Variants in ANXA11 observed in about 807,000 individuals in gnomAD.
The protein encoded by ANXA11 is 56 kDa autoantigen.
A neutral mutation model predicts 64.7 loss-of-function variants in ANXA11; 57 were observed. The observed-to-expected ratio is 0.88, with a 90% confidence interval of 0.71 to 1.10. ANXA11 has a LOEUF of 1.10. Ranked by LOEUF, ANXA11 falls within the 50% of genes least tolerant of loss-of-function variation. ANXA11 has a pLI of 0.00. For synonymous variants in ANXA11, 260 were observed against 265.2 expected, an observed-to-expected ratio of 0.98 and a Z score of 0.19; for missense variants, 675 against 670.7, an observed-to-expected ratio of 1.01 and a Z score of -0.07.
chr10:80,154,913 C>G lies in ANXA11; in HGVS notation c.*940G>C, dbSNP rs1845226267. 6.6e-6 allele frequency: 1 copy of G among 152,326 alleles called. No homozygotes were observed. The highest frequency in any genetic ancestry group is 2.4e-5 in the African/African-American group (1 of 41,454). 9.4% of individuals were successfully genotyped at this position (152,326 alleles called of 1,614,324 possible). A position where few individuals can be genotyped will look rare whatever the true frequency, so the allele number is the denominator to read the frequency against. On this transcript the variant is annotated 3_prime_UTR_variant, in exon 16 of 16. Coordinates refer to ENST00000422982, the MANE Select transcript of ANXA11 (RefSeq NM_145868.2). ...CACTGCACCTGCAACCAACCAAGAT[C>G]CCTTTGCCTTTCAGGTGTCTGGGCC...
chr10:80,201,533 C>T (rs934661006), intron 1 of ANXA11, among the ~76,000 whole-genome samples: 1 of 152,194 alleles, frequency 6.6e-6, no homozygotes, highest in African/African-American at 2.4e-5. Flanking sequence ...CTTCTTCATC[C>T]TCCAAACCTG....
chr10:80,195,358 G>A (rs1202813507), intron 1 of ANXA11, among the ~76,000 whole-genome samples: 3 of 152,214 alleles, frequency 2.0e-5, no homozygotes, highest in African/African-American at 7.2e-5. Context: ...CACTCTGGAG[G>A]AGAAAACACC....
intron 1 of ANXA11, among the ~76,000 whole-genome samples, chr10:80,185,886 C>T (rs543033185): frequency 2.1e-4 from 32 of 152,310 alleles, no homozygotes; most frequent in Non-Finnish European, 4.0e-4. Context: ...TTTAGAAACA[C>T]TGGTATGATG....
At chr10:80,179,970 A>G (rs537229460) in intron 1 of ANXA11, among the ~76,000 whole-genome samples, 1 of 152,294 alleles carries the variant, frequency 6.6e-6, no homozygotes, top group African/African-American at 2.4e-5. Flanking sequence ...GCATGACAGC[A>G]CTGCATCAGA....
chr10:80,196,187 T>A (rs886468696), intron 1 of ANXA11, among the ~76,000 whole-genome samples: 3 of 152,342 alleles, frequency 2.0e-5, no homozygotes, highest in African/African-American at 7.2e-5. Flanking sequence ...GGATAGGTAT[T>A]ATCATCCTCA....
At chr10:80,161,859 C>T in intron 12 of ANXA11, 76 bp downstream of exon 12, 4 of 1,299,078 alleles carry the variant, frequency 3.1e-6, no homozygotes, top group Non-Finnish European at 4.4e-6. Context: ...ACCAAGTGTT[C>T]CCATAGCTTT....
chr10:80,172,889 C>T lies in ANXA11; in HGVS notation c.-8-20G>A. Reference sequence around the variant, plus strand: ...TTAGATCTGGAAGAGAAGACGAAAGCACATTCAGGCTCTGCCTGAGAGCCC... The same window carrying T: ...TTAGATCTGGAAGAGAAGACGAAAGTACATTCAGGCTCTGCCTGAGAGCCC... On this transcript the variant is annotated intron_variant, in intron 2 of 15. Coordinates refer to ENST00000422982, the MANE Select transcript of ANXA11 (RefSeq NM_145868.2). 6.2e-7 allele frequency: 1 copy of T among 1,612,398 alleles called. No individual in the cohort carries two copies. Among genetic ancestry groups the T allele is most frequent in the Non-Finnish European group, 8.5e-7 (1 of 1,178,848 alleles).
intron 11 of ANXA11, among the ~76,000 whole-genome samples, chr10:80,162,679 C>T (rs1191946363): frequency 6.6e-6 from 1 of 152,190 alleles, no homozygotes; most frequent in African/African-American, 2.4e-5. Flanking sequence ...ATTCCAATCC[C>T]GCAGATGGTA....
chr10:80,173,402 C>T (rs998898824), intron 2 of ANXA11, among the ~76,000 whole-genome samples: 8 of 152,276 alleles, frequency 5.3e-5, no homozygotes, highest in Admixed American at 5.2e-4. Flanking sequence ...ATCATCGTTC[C>T]TAGAAGCAAA....
intron 1 of ANXA11, among the ~76,000 whole-genome samples, chr10:80,190,896 G>C (rs1460435785): frequency 6.6e-6 from 1 of 151,860 alleles, no homozygotes; most frequent in Admixed American, 6.6e-5. Context: ...TTTGAGACCA[G>C]CCTGGGCAAC....
chr10:80,187,699 G>A lies in ANXA11; in HGVS notation c.-57-11544C>T, dbSNP rs1055830462. On this transcript the variant is annotated intron_variant, in intron 1 of 15. Transcript: ENST00000422982. ...CCCACTTCCGCAAGGGGAAGCCACC[G>A]CCAGTTACACCACCTGAGCAGAGGG... is the stretch of plus-strand genomic sequence containing the variant. Among the ~76,000 whole-genome samples the A allele has an allele frequency of 3.3e-5, 5 of 152,202 alleles. No homozygotes were observed. The East Asian group carries it at 7.7e-4, about 23-fold the overall frequency.
In ANXA11 at chr10:80,163,275, A is replaced by G. The variant is rs1045477376; in HGVS notation, c.1086+74T>C. ...TCTATTGTTCTTTCCACCCTAGGGT[A>G]CCTCTCTCAGGAAGCAAGAAAGCGG... is the stretch of plus-strand genomic sequence containing the variant. On this transcript the variant is annotated intron_variant, in intron 11 of 15. Coordinates refer to ENST00000422982, the MANE Select transcript of ANXA11 (RefSeq NM_145868.2). 14 of 1,544,956 alleles carry G rather than the reference A, an allele frequency of 9.1e-6. No homozygotes were observed. The African/African-American group carries it at 1.9e-4, about 21-fold the overall frequency.
intron 15 of ANXA11, chr10:80,156,885 A>G (rs1281078154): frequency 2.0e-6 from 1 of 493,812 alleles, no homozygotes; most frequent in African/African-American, 2.1e-5. Context: ...CATGCCCACC[A>G]TCATCAAATG....
intron 1 of ANXA11, among the ~76,000 whole-genome samples, chr10:80,187,573 T>A (rs1016267922): frequency 2.0e-5 from 3 of 151,432 alleles, no homozygotes; most frequent in African/African-American, 4.9e-5. Flanking sequence ...ACACACACTC[T>A]CTCTCTCTCT....
chr10:80,179,660 A>C (rs1451975396), intron 1 of ANXA11, among the ~76,000 whole-genome samples: 2 of 152,194 alleles, frequency 1.3e-5, no homozygotes, highest in Admixed American at 6.5e-5. Context: ...TTCCTTATCT[A>C]TAAGGAACAT....
intron 5 of ANXA11, 22 bp from the exon 6 acceptor site, chr10:80,167,335 G>A: frequency 6.2e-7 from 1 of 1,611,458 alleles, no homozygotes. Flanking sequence ...AACAGTCTCA[G>A]GTAAGATGTC....
intron 1 of ANXA11, among the ~76,000 whole-genome samples, chr10:80,196,918 G>C (rs1360100923): frequency 1.3e-5 from 2 of 152,228 alleles, no homozygotes; most frequent in Non-Finnish European, 2.9e-5. Flanking sequence ...GGCTGGGAGA[G>C]TGGCAGCGTC....
intron 3 of ANXA11, 52 bp downstream of exon 3, chr10:80,172,755 G>C: frequency 6.4e-7 from 1 of 1,564,976 alleles, no homozygotes; most frequent in South Asian, 1.1e-5. Flanking sequence ...TCCACTCCCA[G>C]CCACTGTACA....
At chr10:80,156,379 C>CT in intron 15 of ANXA11, 1 of 472,942 alleles carries the variant, frequency 2.1e-6, no homozygotes, top group South Asian at 1.6e-5. Flanking sequence ...TACACTTACT[C>CT]TAAGAGTGCA....
Sources: allele counts gnomAD v4.1 joint callset (sites outside exome capture counted in the v4.1 genomes callset), GRCh38; gene constraint gnomAD v4.1.1; transcripts MANE v1.5; gene names NCBI Gene and HGNC (gene_info 2026-07-23, HGNC 2026-07-21).